Variants in SMPD4 observed in about 807,000 individuals in gnomAD.
SMPD4 encodes the protein neutral sphingomyelinase 3.
A neutral mutation model predicts 97.8 loss-of-function variants in SMPD4; 58 were observed. That is an observed-to-expected ratio of 0.59 (90% confidence interval 0.48 to 0.74). The LOEUF (loss-of-function observed/expected upper bound fraction) is 0.74. Among genes scored for constraint, SMPD4 ranks in the 30% least tolerant of loss-of-function variants. The pLI is 0.00. For synonymous variants in SMPD4, 388 were observed against 450.0 expected (o/e 0.86, Z 1.74); for missense variants, 853 against 1,080.5 (o/e 0.79, Z 2.95).
rs1479961416 is a variant in SMPD4, at chr2:130,153,709, A to G, written c.1886T>C (p.Ile629Thr). The part of the protein sequence containing the change: ...LEKALEYLRQ[I>T]FRLSEAQLRQ... The stretch of plus-strand genomic sequence containing the variant: ...AGGCCCCATAGCTCGTACCCGGAAT[A>G]TCTGGCGCAGGTACTCCAGGGCCTT... The change falls in exon 17 of 20, where the codon ATA (isoleucine) becomes ACA (threonine). Residue 629 changes from isoleucine to threonine, a missense_variant. By Grantham distance (89) the Ile-to-Thr change is moderately conservative (BLOSUM62 -1). Coordinates refer to ENST00000680298, the MANE Select transcript of SMPD4 (RefSeq NM_017951.5). 2 of 1,613,592 alleles carry G rather than the reference A, an allele frequency of 1.2e-6. No individual in the cohort carries two copies. Among genetic ancestry groups the G allele is most frequent in the Non-Finnish European group, 1.7e-6 (2 of 1,179,804 alleles).
chr2:130,166,165 T>A (rs1687904741), intron 9 of SMPD4, among the ~76,000 whole-genome samples: 1 of 151,840 alleles, frequency 6.6e-6, no homozygotes, highest in Non-Finnish European at 1.5e-5. Flanking sequence ...AAAAATTAGC[T>A]GAGCATGGCA....
Position 130,155,186 on chromosome 2 carries a change from T to C in SMPD4, c.1363A>G (p.Thr455Ala), listed in dbSNP as rs372836424. 20 of 1,614,066 alleles carry C rather than the reference T, an allele frequency of 1.2e-5. No individual in the cohort carries two copies. In the African/African-American group the frequency reaches 2.1e-4, roughly 17 times the overall value. Residue 455 changes from threonine (T) to alanine (A), a missense_variant, in exon 15 of 20, where the codon ACA becomes GCA. Coordinates refer to ENST00000680298, the MANE Select transcript of SMPD4 (RefSeq NM_017951.5). ...GCGTGCTTGGGGCTGACCAGGTCTGTGCGGAGCGCGCGGTTCAGAAAGCCC... is the reference window on the plus strand; with the variant it reads ...GCGTGCTTGGGGCTGACCAGGTCTGCGCGGAGCGCGCGGTTCAGAAAGCCC... ...FVGFLNRALR[T>A]DLVSPKHALM...
intron 8 of SMPD4, 26 bp from the exon 9 acceptor site, chr2:130,167,616 G>A (rs569032775): frequency 2.4e-5 from 38 of 1,573,522 alleles, no homozygotes; most frequent in African/African-American, 2.3e-4. Flanking sequence ...AAACAGGCCC[G>A]AGTTACAGGC....
chr2:130,173,683 T>C lies in SMPD4; in HGVS notation c.127-27A>G, dbSNP rs1022257984. On this transcript the variant is annotated intron_variant, in intron 3 of 19. Coordinates refer to ENST00000680298, the MANE Select transcript of SMPD4 (RefSeq NM_017951.5). The stretch of plus-strand genomic sequence containing the variant: ...TGAAACAATGTGTGGTGAAGCCGCG[T>C]GCAGGACCAGCACCCACTCCTGCCC... The C allele has an allele frequency of 3.1e-6, 5 of 1,613,464 alleles. No individual in the cohort carries two copies. In the African/African-American group the frequency reaches 5.3e-5, roughly 17 times the overall value.
At position 130,153,805 on chromosome 2, in the gene SMPD4, C is replaced by G; in HGVS notation, c.1790G>C (p.Gly597Ala). Residue 597 changes from glycine to alanine, a missense_variant, in exon 17 of 20, where the codon GGC (glycine) becomes GCC (alanine). Transcript: ENST00000680298. The stretch of plus-strand genomic sequence containing the variant: ...GTCCAGGTCGTTGGCTGTGTAGGAG[C>G]CATTGGTGTCCATGGAGCTAAAGCC... Reference protein sequence around the residue: ...WLGFSSMDTNGSYTANDLDEM... With the variant: ...WLGFSSMDTNASYTANDLDEM... 1.9e-6 allele frequency: 3 copies of G among 1,614,024 alleles called. No individual in the cohort carries two copies. Among genetic ancestry groups the G allele is most frequent in the Non-Finnish European group, 2.5e-6 (3 of 1,179,884 alleles).
At chr2:130,165,289 C>T (rs575592920) in intron 9 of SMPD4, among the ~76,000 whole-genome samples, 14 of 152,014 alleles carry the variant, frequency 9.2e-5, no homozygotes, top group African/African-American at 2.9e-4. Flanking sequence ...GGCGTGGTGG[C>T]GCATGCCTGT....
At position 130,174,973 on chromosome 2, in the gene SMPD4, T is replaced by G; in HGVS notation, c.67A>C (p.Lys23Gln). The G allele has an allele frequency of 1.2e-6, 2 of 1,608,428 alleles. No homozygotes were observed. The highest frequency in any genetic ancestry group is 2.2e-5 in the South Asian group (2 of 90,932). The change falls in exon 3 of 20, where the codon AAG becomes CAG. Residue 23 changes from lysine (K) to glutamine (Q), a missense_variant. Physicochemically the swap from Lys to Gln is moderately conservative, Grantham distance 53 (BLOSUM62 1). Coordinates refer to ENST00000680298, the MANE Select transcript of SMPD4 (RefSeq NM_017951.5). Reference sequence around the variant, plus strand: ...TCTTGGCACTGCTGTGCAAAGGGCTTATTTATAGAGTCAGCTTTCAGGCTA... The same window carrying G: ...TCTTGGCACTGCTGTGCAAAGGGCTGATTTATAGAGTCAGCTTTCAGGCTA... ...LASLKADSIN[K>Q]PFAQQCQDLV...
chr2:130,164,006 G>A (rs1018334390), intron 10 of SMPD4, among the ~76,000 whole-genome samples: 1 of 152,188 alleles, frequency 6.6e-6, no homozygotes, highest in African/African-American at 2.4e-5. Context: ...CACTGCTGAT[G>A]GTCGAGGAGA....
intron 14 of SMPD4, 134 bp from the exon 15 acceptor site, chr2:130,155,393 C>T (rs1385386252): frequency 1.6e-6 from 2 of 1,225,290 alleles, no homozygotes; most frequent in Admixed American, 4.6e-5. Flanking sequence ...CAAGCTGTCA[C>T]AGATGACAGC....
At chr2:130,170,701 T>C (rs1207299537) in intron 8 of SMPD4, among the ~76,000 whole-genome samples, 2 of 151,796 alleles carry the variant, frequency 1.3e-5, no homozygotes, top group African/African-American at 4.8e-5. Context: ...GAGGTCAATG[T>C]TGCAGTGAGT....
At position 130,153,390 on chromosome 2, in the gene SMPD4, C is replaced by T. The variant is rs752053519; in HGVS notation, c.1954G>A (p.Gly652Arg). 6.2e-7 allele frequency: 1 copy of T among 1,613,862 alleles called. No homozygotes were observed. The highest frequency in any genetic ancestry group is 8.5e-7 in the Non-Finnish European group (1 of 1,180,000). The part of the protein sequence containing the change: ...LALGTTQDEN[G>R]KKQLPDCIVG... ...ATGCAGTCGGGGAGTTGCTTTTTTC[C>T]ATTCTCATCCTGGGTGGTGCCCAAG... The change falls in exon 18 of 20, where the codon GGA (glycine) becomes AGA (arginine). Residue 652 changes from glycine to arginine, a missense_variant. Coordinates refer to ENST00000680298, the MANE Select transcript of SMPD4 (RefSeq NM_017951.5).
rs571962278 is a variant in SMPD4, at chr2:130,163,639, G to C, written c.864+735C>G. 2.0e-5 allele frequency among the ~76,000 whole-genome samples: 3 copies of C among 152,370 alleles called. No homozygotes were observed. In the South Asian group the frequency reaches 6.2e-4, roughly 32 times the overall value. On this transcript the variant is annotated intron_variant, in intron 10 of 19. Coordinates refer to ENST00000680298, the MANE Select transcript of SMPD4 (RefSeq NM_017951.5). ...CTGATGCCACTTCAGGCAAGGGCACGGATGGGCATGAGTCAAGCTGCTCCA... is the reference window on the plus strand; with the variant it reads ...CTGATGCCACTTCAGGCAAGGGCACCGATGGGCATGAGTCAAGCTGCTCCA...
chr2:130,155,825 A>G (rs1344246505), intron 14 of SMPD4, among the ~76,000 whole-genome samples: 6 of 152,046 alleles, frequency 3.9e-5, no homozygotes, highest in Non-Finnish European at 5.9e-5. Flanking sequence ...CAGCTTCCAT[A>G]AGAAACCAAT....
chr2:130,156,800 G>A, intron 12 of SMPD4, 125 bp from the exon 13 acceptor site: 1 of 1,548,046 alleles, frequency 6.5e-7, no homozygotes, highest in South Asian at 1.2e-5. Flanking sequence ...ACCTCCGGGA[G>A]GTTCAGCCCC....
chr2:130,156,810 C>A, intron 12 of SMPD4, 135 bp from the exon 13 acceptor site: 2 of 1,546,746 alleles, frequency 1.3e-6, no homozygotes, highest in Non-Finnish European at 1.7e-6. Flanking sequence ...GGTTCAGCCC[C>A]ATTCTTCAGA....
At chr2:130,152,908 G>C in intron 19 of SMPD4, 24 bp from the exon 20 acceptor site, 4 of 1,566,948 alleles carry the variant, frequency 2.6e-6, no homozygotes, top group Non-Finnish European at 3.5e-6. Flanking sequence ...AGAGGCACGG[G>C]GATGTGGGGT....
At chr2:130,164,867 AGGCCGAGGTGGGT>A (rs1366545982) in intron 9 of SMPD4, among the ~76,000 whole-genome samples, 1 of 152,142 alleles carries the variant, frequency 6.6e-6, no homozygotes, top group Non-Finnish European at 1.5e-5. Flanking sequence ...GCACTTTGGG[AGGCCGAGGTGGGT>A]GGGATTACCT....
At chr2:130,158,728 A>G (rs1488551678) in intron 11 of SMPD4, among the ~76,000 whole-genome samples, 1 of 152,008 alleles carries the variant, frequency 6.6e-6, no homozygotes, top group Non-Finnish European at 1.5e-5. Flanking sequence ...GCAGGGAAGT[A>G]GGGGTGCTGA....
chr2:130,163,803 C>G (rs114128804), intron 10 of SMPD4, among the ~76,000 whole-genome samples: 4,335 of 152,330 alleles, frequency 0.028, 214 homozygotes, highest in African/African-American at 0.097. Flanking sequence ...CTGAAAGCAG[C>G]GTGCTGCCCA....
Sources: allele counts gnomAD v4.1 joint callset (sites outside exome capture counted in the v4.1 genomes callset), GRCh38; gene constraint gnomAD v4.1.1; transcripts MANE v1.5; gene names NCBI Gene and HGNC (gene_info 2026-07-23, HGNC 2026-07-21).